IPPK: variants seen among roughly 807,000 people sequenced by gnomAD.
IPPK encodes inositol-pentakisphosphate 2-kinase, also known as IPK1 homolog.
IPPK carries 22 observed loss-of-function variants against 64.6 expected under a neutral mutation model. The ratio of observed to expected loss-of-function variants is 0.34; its 90% CI spans 0.24 to 0.49. The LOEUF is 0.49. Among genes scored for constraint, IPPK ranks in the 20% least tolerant of loss-of-function variants. IPPK has a pLI of 0.99. For synonymous variants in IPPK, 262 were observed against 247.2 expected, an observed-to-expected ratio of 1.06 and a Z score of -0.56; for missense variants, 532 against 630.7, an observed-to-expected ratio of 0.84 and a Z score of 1.68.
chr9:92,621,572 G>T (rs1851631920), intron 11 of IPPK, among the ~76,000 whole-genome samples: 1 of 139,842 alleles, frequency 7.2e-6, no homozygotes, highest in Non-Finnish European at 1.5e-5. Flanking sequence ...GGAGCACAGT[G>T]GTACCATCAC....
chr9:92,614,681 T>C lies in IPPK; in HGVS notation c.*1151A>G, dbSNP rs1310741599. ...TCATATAATTCCATGGTTTCACTAA[T>C]ATTATATGTTACAATAAGCCTCCAT... is the stretch of plus-strand genomic sequence containing the variant. On this transcript the variant is annotated 3_prime_UTR_variant, in exon 13 of 13. Coordinates refer to ENST00000287996, the MANE Select transcript of IPPK (RefSeq NM_022755.6). 1 of 152,554 alleles carries C rather than the reference T, an allele frequency of 6.6e-6. No homozygotes were observed. Among genetic ancestry groups the C allele is most frequent in the Admixed American group, 6.5e-5 (1 of 15,284 alleles). 9.5% of individuals were successfully genotyped at this position (152,554 alleles called of 1,614,324 possible).
In IPPK at chr9:92,625,992, TAAAG is replaced by T. The variant is rs1253084575; in HGVS notation, c.1171-6431_1171-6428del. Among the ~76,000 whole-genome samples the T allele has an allele frequency of 2.0e-5, 3 of 150,514 alleles. No individual in the cohort carries two copies. In the South Asian group the frequency reaches 6.3e-4, roughly 32 times the overall value. On this transcript the variant is annotated intron_variant, in intron 11 of 12. Transcript: ENST00000287996. ...ATATAAAATAACTTCATAAATTGCTTAAAGAAATAAAAGACAGAATTTTGAAATA... is the reference window on the plus strand; with the variant it reads ...ATATAAAATAACTTCATAAATTGCTTAAATAAAAGACAGAATTTTGAAATA...
At chr9:92,628,300 CTTCTT>C (rs1448397021) in intron 11 of IPPK, among the ~76,000 whole-genome samples, 2 of 152,180 alleles carry the variant, frequency 1.3e-5, no homozygotes, top group African/African-American at 4.8e-5. Flanking sequence ...TCCCAGCTGG[CTTCTT>C]TGTAGACGAA....
In IPPK at chr9:92,613,950, G is replaced by C. The variant is rs944915451; in HGVS notation, c.*1882C>G. ...CCGTCATGACTACGCAGCAGCAGCA[G>C]TTTCCAAGACGGGCCAGAAACGCAT... On this transcript the variant is annotated 3_prime_UTR_variant, in exon 13 of 13. Coordinates refer to ENST00000287996, the MANE Select transcript of IPPK (RefSeq NM_022755.6). 1.3e-5 allele frequency: 2 copies of C among 152,278 alleles called. No homozygotes were observed. The highest frequency in any genetic ancestry group is 4.8e-5 in the African/African-American group (2 of 41,452). The allele number at this position is 152,278 out of a possible 1,614,324, so 9.4% of individuals were successfully genotyped here.
chr9:92,644,485 C>A (rs1852111763), intron 6 of IPPK, among the ~76,000 whole-genome samples: 1 of 152,074 alleles, frequency 6.6e-6, no homozygotes, highest in East Asian at 1.9e-4. Context: ...TCTCTGGGTT[C>A]CCGGAAAGAT....
chr9:92,624,886 CAT>C (rs1851706990), intron 11 of IPPK, among the ~76,000 whole-genome samples: 1 of 145,882 alleles, frequency 6.9e-6, no homozygotes, highest in Admixed American at 7.1e-5. Flanking sequence ...AGGTGAATCT[CAT>C]AAATATTACA....
chr9:92,643,153 G>C (rs1852084481), intron 6 of IPPK, among the ~76,000 whole-genome samples: 1 of 152,226 alleles, frequency 6.6e-6, no homozygotes, highest in Non-Finnish European at 1.5e-5. Flanking sequence ...ATAATATCCA[G>C]TAACAGGGAA....
Position 92,648,041 on chromosome 9 carries a change from C to T in IPPK, c.504+18G>A, listed in dbSNP as rs1554698198. ...AGCGTGCAGCTAGAGTAGCCCACAGCTGGGCATTGGCTCTCACCTTGAGGT... is the reference window on the plus strand; with the variant it reads ...AGCGTGCAGCTAGAGTAGCCCACAGTTGGGCATTGGCTCTCACCTTGAGGT... On this transcript the variant is annotated intron_variant, in intron 6 of 12. Coordinates refer to ENST00000287996, the MANE Select transcript of IPPK (RefSeq NM_022755.6). The T allele has an allele frequency of 1.3e-5, 20 of 1,588,678 alleles. 1 individual carries two copies. The South Asian group carries it at 1.9e-4, about 15-fold the overall frequency.
intron 11 of IPPK, among the ~76,000 whole-genome samples, chr9:92,629,082 G>A (rs529080548): frequency 1.3e-4 from 19 of 151,810 alleles, no homozygotes; most frequent in African/African-American, 2.7e-4. Flanking sequence ...AGCAAGACCC[G>A]ACCCTGTCTC....
In IPPK at chr9:92,634,479, T is replaced by C. The variant is rs1286148942; in HGVS notation, c.1077A>G (p.Leu359=). The stretch of plus-strand genomic sequence containing the variant: ...CTTCATCATAAGGCCCATCTATTTG[T>C]AAGGTTTTTCTGAAGAAGAAAGCAC... The part of the protein sequence containing the change: ...LEEFPEERKT[L]QIDGPYDEAF... The change falls in exon 11 of 13, where the codon TTA becomes TTG. Residue 359 remains leucine (L), a synonymous_variant. Coordinates refer to ENST00000287996, the MANE Select transcript of IPPK (RefSeq NM_022755.6). 2 of 1,613,016 alleles carry C rather than the reference T, an allele frequency of 1.2e-6. No individual in the cohort carries two copies. Among genetic ancestry groups the C allele is most frequent in the African/African-American group, 2.7e-5 (2 of 74,890 alleles).
intron 10 of IPPK, 55 bp from the exon 11 acceptor site, chr9:92,634,543 CT>C: frequency 8.1e-7 from 1 of 1,241,384 alleles, no homozygotes; most frequent in East Asian, 2.3e-5. Flanking sequence ...GAGGTTGTTT[CT>C]TAAACTGCTA....
At chr9:92,629,842 C>T (rs540203135) in intron 11 of IPPK, among the ~76,000 whole-genome samples, 1 of 152,242 alleles carries the variant, frequency 6.6e-6, no homozygotes, top group South Asian at 2.1e-4. Context: ...CAAGATACCA[C>T]TGCACACTCT....
intron 11 of IPPK, among the ~76,000 whole-genome samples, chr9:92,624,164 C>T (rs1564028187): frequency 6.6e-6 from 1 of 152,012 alleles, no homozygotes; most frequent in Non-Finnish European, 1.5e-5. Flanking sequence ...AATAAGACTG[C>T]ATCTCTACAA....
At chr9:92,622,051 C>T (rs564164560) in intron 11 of IPPK, among the ~76,000 whole-genome samples, 2 of 152,094 alleles carry the variant, frequency 1.3e-5, no homozygotes, top group Non-Finnish European at 2.9e-5. Flanking sequence ...TAATTAACCA[C>T]GTTAACAGAA....
chr9:92,643,943 T>A (rs1015233268), intron 6 of IPPK, among the ~76,000 whole-genome samples: 4 of 152,230 alleles, frequency 2.6e-5, no homozygotes, highest in African/African-American at 9.6e-5. Flanking sequence ...TTACCAGTTA[T>A]ATGAGCAGGT....
At chr9:92,640,830 C>G in intron 7 of IPPK, 48 bp from the exon 8 acceptor site, 1 of 1,310,362 alleles carries the variant, frequency 7.6e-7, no homozygotes, top group South Asian at 1.2e-5. Flanking sequence ...TGGAACTGAC[C>G]TGTCCCTGCA....
At chr9:92,624,335 A>C (rs1227949544) in intron 11 of IPPK, among the ~76,000 whole-genome samples, 1 of 152,006 alleles carries the variant, frequency 6.6e-6, no homozygotes, top group Admixed American at 6.5e-5. Context: ...AAAAATTAGC[A>C]GGTGCCTGTA....
At chr9:92,624,594 A>G (rs1851701414) in intron 11 of IPPK, among the ~76,000 whole-genome samples, 1 of 152,202 alleles carries the variant, frequency 6.6e-6, no homozygotes, top group Non-Finnish European at 1.5e-5. Context: ...TGATCGTGCC[A>G]GTGCACTCCA....
intron 3 of IPPK, among the ~76,000 whole-genome samples, chr9:92,653,874 G>A (rs1852318212): frequency 2.0e-5 from 3 of 152,140 alleles, no homozygotes; most frequent in Non-Finnish European, 2.9e-5. Flanking sequence ...AAGAAAATTC[G>A]TAAATTAGAT....
Sources: gnomAD v4.1 joint callset for allele counts (sites outside exome capture counted in the v4.1 genomes callset) on GRCh38, gnomAD v4.1.1 for gene constraint, MANE v1.5 for transcripts, NCBI Gene and HGNC (gene_info 2026-07-23, HGNC 2026-07-21) for gene names.